Variants in STK32C observed in about 807,000 individuals in gnomAD.
STK32C encodes serine/threonine kinase 32C.
STK32C carries 31 observed loss-of-function variants against 56.5 expected under a neutral mutation model. The observed-to-expected ratio is 0.55, with a 90% CI of 0.41 to 0.74. The LOEUF is 0.74. Among genes scored for constraint, STK32C ranks in the 30% least tolerant of loss-of-function variants. STK32C has a pLI of 0.00. For missense variants in STK32C, 544 were observed against 676.9 expected, an observed-to-expected ratio of 0.80 and a Z score of 2.18; for synonymous variants, 309 against 289.4, an observed-to-expected ratio of 1.07 and a Z score of -0.69.
intron 1 of STK32C, among the ~76,000 whole-genome samples, chr10:132,303,751 AAAG>A (rs2065976889): frequency 1.3e-5 from 2 of 152,386 alleles, no homozygotes; most frequent in South Asian, 2.1e-4. Flanking sequence ...TTAGACTGGC[AAAG>A]AATAGAAACA....
intron 7 of STK32C, among the ~76,000 whole-genome samples, 164 bp from the exon 8 acceptor site, chr10:132,224,687 G>A (rs1011926539): frequency 6.6e-6 from 1 of 151,870 alleles, no homozygotes; most frequent in Non-Finnish European, 1.5e-5. Context: ...GGAGGAGCCT[G>A]GGTGAGATAA....
chr10:132,234,635 C>G (rs2063212227), intron 2 of STK32C, among the ~76,000 whole-genome samples: 1 of 152,254 alleles, frequency 6.6e-6, no homozygotes, highest in Non-Finnish European at 1.5e-5. Flanking sequence ...GGGCTCTCCC[C>G]CTCCTGCTTG....
At chr10:132,252,613 T>C (rs905165576) in intron 1 of STK32C, among the ~76,000 whole-genome samples, 2 of 152,218 alleles carry the variant, frequency 1.3e-5, no homozygotes, top group African/African-American at 2.4e-5. Context: ...GAAGCACCTC[T>C]GTACTTGTGT....
rs773625821 is a variant in STK32C at position 132,226,980 on chromosome 10, G to A, written c.471-12C>T. 5.6e-6 allele frequency: 9 copies of A among 1,612,712 alleles called. No homozygotes were observed. Among genetic ancestry groups the A allele is most frequent in the Non-Finnish European group, 6.8e-6 (8 of 1,179,778 alleles). ...CCTGGAAGGAGTACCTGTGGGCACC[G>A]ATGGAAGGCCTGTTGTGCGCACAGC... On this transcript the variant is annotated splice_polypyrimidine_tract_variant and intron_variant, in intron 3 of 11. Coordinates refer to ENST00000298630, the MANE Select transcript of STK32C (RefSeq NM_173575.4).
At chr10:132,223,063 G>A in intron 8 of STK32C, 77 bp from the exon 9 acceptor site, 5 of 1,498,348 alleles carry the variant, frequency 3.3e-6, no homozygotes, top group Non-Finnish European at 1.8e-6. Context: ...CCCAGGCCAG[G>A]GCACCTTGAG....
intron 2 of STK32C, among the ~76,000 whole-genome samples, chr10:132,239,013 AT>A (rs2063403753): frequency 2.0e-5 from 3 of 152,176 alleles, no homozygotes; most frequent in Admixed American, 2.0e-4. Context: ...CAGGCTGGAC[AT>A]GCAGGGCCAA....
intron 1 of STK32C, among the ~76,000 whole-genome samples, chr10:132,257,510 C>A (rs566396889): frequency 1.2e-5 from 1 of 81,214 alleles, no homozygotes; most frequent in East Asian, 2.3e-4. Flanking sequence ...ATCACACCCC[C>A]CAGCCAAAGA....
At chr10:132,306,058 T>G (rs909956679) in intron 1 of STK32C, among the ~76,000 whole-genome samples, 1 of 152,204 alleles carries the variant, frequency 6.6e-6, no homozygotes, top group Admixed American at 6.5e-5. Flanking sequence ...CTTTTTGCCT[T>G]TCTAGTGATC....
At chr10:132,220,576 A>G (rs1351161702) in intron 10 of STK32C, among the ~76,000 whole-genome samples, 1 of 152,248 alleles carries the variant, frequency 6.6e-6, no homozygotes. Context: ...CTACAACAGC[A>G]TTAACCCCAT....
At chr10:132,312,472 C>T (rs1295539996), upstream of STK32C, among the ~76,000 whole-genome samples, 1 of 152,122 alleles carries the variant, frequency 6.6e-6, no homozygotes, top group Admixed American at 6.5e-5. Context: ...ATCTGTGTAA[C>T]TGTGAAACTG....
At chr10:132,317,268 CTA>C (rs1202424314) in intron 1 of STK32C, among the ~76,000 whole-genome samples, 1 of 152,094 alleles carries the variant, frequency 6.6e-6, no homozygotes, top group Non-Finnish European at 1.5e-5. Flanking sequence ...AATGTAGGAG[CTA>C]ACACTATAAA....
chr10:132,242,152 A>T (rs2063523840), intron 2 of STK32C, among the ~76,000 whole-genome samples: 1 of 150,770 alleles, frequency 6.6e-6, no homozygotes, highest in South Asian at 2.1e-4. Context: ...TCCCCAGAAC[A>T]GAACGTTTCT....
At chr10:132,241,218 C>G (rs957327310) in intron 2 of STK32C, among the ~76,000 whole-genome samples, 1 of 152,214 alleles carries the variant, frequency 6.6e-6, no homozygotes, top group Admixed American at 6.5e-5. Flanking sequence ...GCCCACCCAA[C>G]TCCTCCAGCC....
chr10:132,229,497 A>G (rs1485073127), intron 2 of STK32C, among the ~76,000 whole-genome samples: 1 of 152,208 alleles, frequency 6.6e-6, no homozygotes, highest in East Asian at 1.9e-4. Context: ...CCCTGTCTCT[A>G]AAAAAATTAA....
Position 132,224,445 on chromosome 10 carries a change from G to A in STK32C, c.955C>T (p.Pro319Ser). ...LFSTVSVQYV[P>S]TWSKEMVALL... Reference sequence around the variant, plus strand: ...GCCACCATCTCCTTGGACCACGTGGGGACATACTGGACGCTCACGGTGCTG... The same window carrying A: ...GCCACCATCTCCTTGGACCACGTGGAGACATACTGGACGCTCACGGTGCTG... Residue 319 changes from proline (P) to serine (S), a missense_variant, in exon 8 of 12, where the codon CCC becomes TCC. Around this residue, in one of 3 missense-constraint regions of STK32C, gnomAD observed 277 missense variants for 309.3 expected, o/e 0.90. Transcript: ENST00000298630. 6.4e-7 allele frequency: 1 copy of A among 1,560,872 alleles called. No homozygotes were observed. Among genetic ancestry groups the A allele is most frequent in the Non-Finnish European group, 8.7e-7 (1 of 1,152,398 alleles).
At chr10:132,231,705 G>A (rs2063106128) in intron 2 of STK32C, among the ~76,000 whole-genome samples, 1 of 152,238 alleles carries the variant, frequency 6.6e-6, no homozygotes, top group African/African-American at 2.4e-5. Flanking sequence ...GCCAATGATA[G>A]ACACCCTGAT....
At chr10:132,250,696 G>A (rs577226347) in intron 1 of STK32C, among the ~76,000 whole-genome samples, 5 of 152,314 alleles carry the variant, frequency 3.3e-5, no homozygotes, top group South Asian at 2.1e-4. Flanking sequence ...TGAGGTGCCC[G>A]GGACAGGTCA....
At chr10:132,263,626 G>A (rs1035352292) in intron 1 of STK32C, among the ~76,000 whole-genome samples, 1 of 152,090 alleles carries the variant, frequency 6.6e-6, no homozygotes, top group Non-Finnish European at 1.5e-5. Context: ...GGGAGGCAGA[G>A]GCAGGTGGAT....
intron 1 of STK32C, among the ~76,000 whole-genome samples, chr10:132,256,812 C>T (rs1247433971): frequency 6.6e-6 from 1 of 152,222 alleles, no homozygotes; most frequent in Non-Finnish European, 1.5e-5. Flanking sequence ...TGGGGCTGCC[C>T]GCCCAGAGGC....
Sources: allele counts gnomAD v4.1 joint callset (sites outside exome capture counted in the v4.1 genomes callset), GRCh38; gene constraint gnomAD v4.1.1; regional missense constraint gnomAD v4.1.1; transcripts MANE v1.5; gene names NCBI Gene and HGNC (gene_info 2026-07-23, HGNC 2026-07-21).